Variants in RPS6KA1 observed in about 807,000 individuals in gnomAD.
RPS6KA1 encodes the protein ribosomal protein S6 kinase alpha-1.
RPS6KA1 carries 48 observed loss-of-function variants against 91.3 expected under a neutral mutation model. The observed-to-expected ratio is 0.53, with a 90% CI of 0.42 to 0.67. The LOEUF is 0.67. RPS6KA1 is among the 30% of genes least tolerant of loss of function. The pLI is 0.00. For missense variants in RPS6KA1, 719 were observed against 960.5 expected (o/e 0.75, Z 3.32); for synonymous variants, 359 against 384.7 (o/e 0.93, Z 0.78).
chr1:26,556,262 G>A (rs1570445613), intron 11 of RPS6KA1: 2 of 258,106 alleles, frequency 7.7e-6, no homozygotes, highest in East Asian at 9.0e-5. Flanking sequence ...GTCGAATGGA[G>A]TAACAGCCTG....
rs948432308 is a variant in RPS6KA1 at position 26,552,116 on chromosome 1, G to A, written c.468+393G>A. On this transcript the variant is annotated intron_variant, in intron 6 of 21. Transcript: ENST00000374168. ...AATATAAAAGGATTTGAGGCTGGGC[G>A]CAGCGGCTCACGCCTGTTATCCCAG... Among the ~76,000 whole-genome samples, 12 of 152,154 alleles carry A rather than the reference G, an allele frequency of 7.9e-5. 1 individual carries two copies. The highest frequency in any genetic ancestry group is 1.9e-4 in the East Asian group (1 of 5,164).
intron 1 of RPS6KA1, 58 bp downstream of exon 1, chr1:26,530,041 G>A (rs1369307256): frequency 2.5e-6 from 3 of 1,191,832 alleles, no homozygotes; most frequent in Non-Finnish European, 3.2e-6. Context: ...ATCCTCACAG[G>A]GGCGGGGCGG....
intron 15 of RPS6KA1, 53 bp downstream of exon 15, chr1:26,560,904 C>CCG: frequency 6.2e-7 from 1 of 1,612,776 alleles, no homozygotes; most frequent in Non-Finnish European, 8.5e-7. Context: ...GGGCAGGTCC[C>CCG]CGTCTGGTGG....
intron 17 of RPS6KA1, among the ~76,000 whole-genome samples, chr1:26,565,147 A>G (rs1202425622): frequency 6.6e-6 from 1 of 152,160 alleles, no homozygotes; most frequent in Non-Finnish European, 1.5e-5. Flanking sequence ...CTGTTTGCTA[A>G]TACCGGGGCA....
At chr1:26,539,199 C>T (rs541261913) in intron 2 of RPS6KA1, among the ~76,000 whole-genome samples, 16 of 152,298 alleles carry the variant, frequency 1.1e-4, no homozygotes, top group African/African-American at 3.4e-4. Context: ...CGTAGCATGA[C>T]GAGATGAGCA....
At chr1:26,550,268 C>T (rs534135588) in intron 4 of RPS6KA1, among the ~76,000 whole-genome samples, 134 of 149,668 alleles carry the variant, frequency 9.0e-4, no homozygotes, top group African/African-American at 3.1e-3. Flanking sequence ...CTGCAACCTC[C>T]GCCTCCTGGG....
intron 13 of RPS6KA1, among the ~76,000 whole-genome samples, chr1:26,557,762 T>TCCTCCCCTCCCCTCTCCTCC (rs1266873028): frequency 7.4e-6 from 1 of 135,584 alleles, no homozygotes; most frequent in Non-Finnish European, 1.6e-5. Flanking sequence ...TTCTCTCCTC[T>TCCTCCCCTCCCCTCTCCTCC]CCTCCCCTCC....
At chr1:26,545,794 G>GCCCAGC in intron 2 of RPS6KA1, 1 of 1,397,296 alleles carries the variant, frequency 7.2e-7, no homozygotes, top group South Asian at 1.6e-5. Context: ...CCTGGGCCAG[G>GCCCAGC]CCCAGCCCCC....
At chr1:26,532,093 C>T (rs955445142) in intron 1 of RPS6KA1, among the ~76,000 whole-genome samples, 2 of 152,192 alleles carry the variant, frequency 1.3e-5, no homozygotes, top group East Asian at 3.9e-4. Context: ...ATCTGGACTG[C>T]CCTGCCCTCC....
At chr1:26,549,957 A>G (rs937756016) in intron 4 of RPS6KA1, among the ~76,000 whole-genome samples, 4 of 150,990 alleles carry the variant, frequency 2.6e-5, no homozygotes, top group African/African-American at 9.8e-5. Flanking sequence ...TCGGCTCATC[A>G]CAACCTCTGC....
chr1:26,552,573 G>A (rs1362236036), intron 6 of RPS6KA1, among the ~76,000 whole-genome samples: 15 of 141,814 alleles, frequency 1.1e-4, no homozygotes, highest in South Asian at 4.8e-4. Flanking sequence ...TGCAACCTCC[G>A]CCTCCCGGGT....
intron 4 of RPS6KA1, among the ~76,000 whole-genome samples, chr1:26,550,609 G>A (rs1404405101): frequency 6.6e-6 from 1 of 152,194 alleles, no homozygotes; most frequent in African/African-American, 2.4e-5. Flanking sequence ...ATGAGCCACT[G>A]TGCCCGGCCC....
chr1:26,555,670 C>G lies in RPS6KA1; in HGVS notation c.916+45C>G, dbSNP rs111389869. 5 of 1,533,642 alleles carry G rather than the reference C, an allele frequency of 3.3e-6. No individual in the cohort carries two copies. In the East Asian group the frequency reaches 1.2e-4, roughly 37 times the overall value. ...GGGAGGGGATGTGGCGATGGGGAGCCGGGTACAGCTGCAGCCTAGGCCACA... is the reference window on the plus strand; with the variant it reads ...GGGAGGGGATGTGGCGATGGGGAGCGGGGTACAGCTGCAGCCTAGGCCACA... On this transcript the variant is annotated intron_variant, in intron 11 of 21. Transcript: ENST00000374168. This position sits in a 1 kb window ranked among gnomAD's most constrained non-coding sequence, Gnocchi z 4.3.
chr1:26,573,814 T>C (rs1036529190), intron 21 of RPS6KA1, among the ~76,000 whole-genome samples: 1 of 151,982 alleles, frequency 6.6e-6, no homozygotes, highest in African/African-American at 2.4e-5. Flanking sequence ...GGCAAGCGCC[T>C]GTAATCCCAG....
At position 26,554,727 on chromosome 1, in the gene RPS6KA1, G is replaced by A. The variant is rs775946881; in HGVS notation, c.745G>A (p.Gly249Arg). Residue 249 changes from glycine to arginine, a missense_variant, in exon 9 of 22, where the codon GGG becomes AGG. This residue lies in a region of RPS6KA1 where 228 missense variants were observed against 247.6 expected (regional missense o/e 0.92). Coordinates refer to ENST00000374168, the MANE Select transcript of RPS6KA1 (RefSeq NM_002953.4). The surrounding 1 kb of genome is among the most constrained non-coding windows in gnomAD (Gnocchi z 4.6). ...HSHSADWWSY[G>R]VLMFEMLTGS... ...CCATAGTGCGGACTGGTGGTCCTAT[G>A]GGGTGTTGATGGTGAGTGCCCAGAC... 1 of 1,602,806 alleles carries A rather than the reference G, an allele frequency of 6.2e-7. No homozygotes were observed. Among genetic ancestry groups the A allele is most frequent in the South Asian group, 1.1e-5 (1 of 90,686 alleles).
In RPS6KA1 at chr1:26,551,763, C is replaced by G; in HGVS notation, c.468+40C>G. On this transcript the variant is annotated intron_variant, in intron 6 of 21. Transcript: ENST00000374168. The surrounding 1 kb of genome is among the most constrained non-coding windows in gnomAD (Gnocchi z 4.5). ...ACTGCCAGAGGGCCCCGGGATGGAG[C>G]TGAGGGACGACAAGTCCTCCCATCC... The G allele has an allele frequency of 6.5e-7, 1 of 1,547,800 alleles. No individual in the cohort carries two copies. Among genetic ancestry groups the G allele is most frequent in the South Asian group, 1.1e-5 (1 of 89,680 alleles).
At chr1:26,531,787 T>C (rs1167284459) in intron 1 of RPS6KA1, among the ~76,000 whole-genome samples, 1 of 152,158 alleles carries the variant, frequency 6.6e-6, no homozygotes, top group Non-Finnish European at 1.5e-5. Flanking sequence ...AGCCTCCACT[T>C]CCTGGGCCTG....
intron 1 of RPS6KA1, among the ~76,000 whole-genome samples, chr1:26,536,368 G>A (rs2075906708): frequency 6.6e-6 from 1 of 152,188 alleles, no homozygotes. Flanking sequence ...AGTGGAGGCA[G>A]CAGTCATTCT....
At chr1:26,542,893 A>G (rs2075959600) in intron 2 of RPS6KA1, among the ~76,000 whole-genome samples, 1 of 151,904 alleles carries the variant, frequency 6.6e-6, no homozygotes, top group South Asian at 2.1e-4. Flanking sequence ...TCGCCTTGTG[A>G]CTTTTGTCTC....
Sources: gnomAD v4.1 joint callset for allele counts (sites outside exome capture counted in the v4.1 genomes callset) on GRCh38, gnomAD v4.1.1 for gene constraint, gnomAD v4.1.1 regional missense constraint, Gnocchi (gnomAD v3.1) non-coding constraint, MANE v1.5 for transcripts, NCBI Gene and HGNC (gene_info 2026-07-23, HGNC 2026-07-21) for gene names.